The following CBLB variants were observed in gnomAD, a reference collection of about 807,000 sequenced individuals.
CBLB encodes the protein E3 ubiquitin-protein ligase CBL-B.
CBLB carries 31 observed loss-of-function variants against 104.9 expected under a neutral mutation model. The observed-to-expected ratio is 0.30, with a 90% CI of 0.22 to 0.40. The LOEUF (loss-of-function observed/expected upper bound fraction) is 0.40. Ranked by LOEUF, CBLB falls within the 10% of genes least tolerant of loss-of-function variation. CBLB has a pLI of 1.00. For missense variants in CBLB, 1,062 were observed against 1,214.6 expected (o/e 0.87, Z 1.87); for synonymous variants, 440 against 422.6 (o/e 1.04, Z -0.51).
intron 10 of CBLB, 58 bp downstream of exon 10, chr3:105,719,988 CA>C (rs980904704): frequency 4.8e-6 from 6 of 1,239,850 alleles, no homozygotes; most frequent in Non-Finnish European, 5.9e-6. Context: ...TTTATGACGG[CA>C]TCATTTCCTT....
rs943458810 is a variant in CBLB at position 105,658,918 on chromosome 3, A to G, written c.*52T>C. ...CCATCTCAGTTCTCTTTATTTCCAC[A>G]CTCTTGGAATACATCGATTGCTTTC... On this transcript the variant is annotated 3_prime_UTR_variant, in exon 19 of 19. Coordinates refer to ENST00000394030, the MANE Select transcript of CBLB (RefSeq NM_170662.5). 1 of 1,582,080 alleles carries G rather than the reference A, an allele frequency of 6.3e-7. No individual in the cohort carries two copies. Among genetic ancestry groups the G allele is most frequent in the African/African-American group, 1.4e-5 (1 of 73,930 alleles).
chr3:105,702,274 C>T lies in CBLB; in HGVS notation c.1779G>A (p.Trp593Ter). The change falls in exon 12 of 19, where the codon TGG becomes TGA. Residue 593 changes from tryptophan (W) to a stop codon, truncating the protein, a stop_gained. Transcript: ENST00000394030. LOFTEE classifies it high-confidence loss of function. Reference protein sequence around the residue: ...SRDPPMPLEAWCPRDVFGTNQ... With the variant: ...SRDPPMPLEA ...TAGTCCCAAACACATCCCGAGGGCACCATGCTTCAAGAGGCATTGGCGGGT... is the reference window on the plus strand; with the variant it reads ...TAGTCCCAAACACATCCCGAGGGCATCATGCTTCAAGAGGCATTGGCGGGT... The T allele has an allele frequency of 6.2e-7, 1 of 1,613,936 alleles. No individual in the cohort carries two copies. Among genetic ancestry groups the T allele is most frequent in the Non-Finnish European group, 8.5e-7 (1 of 1,179,966 alleles).
intron 10 of CBLB, among the ~76,000 whole-genome samples, chr3:105,713,132 TAAC>T (rs1006766075): frequency 2.0e-5 from 3 of 152,130 alleles, no homozygotes; most frequent in Non-Finnish European, 4.4e-5. Flanking sequence ...ATAATATTAA[TAAC>T]AACCAATACT....
chr3:105,705,318 G>T (rs1171543968), intron 10 of CBLB, among the ~76,000 whole-genome samples: 1 of 152,068 alleles, frequency 6.6e-6, no homozygotes, highest in East Asian at 1.9e-4. Context: ...ATTGTATAAG[G>T]CTTTTGTTAA....
intron 2 of CBLB, among the ~76,000 whole-genome samples, chr3:105,863,300 G>A (rs535490950): frequency 7.2e-5 from 11 of 152,220 alleles, no homozygotes; most frequent in South Asian, 2.1e-4. Flanking sequence ...ATTCAAAACT[G>A]AACTGAGTAC....
chr3:105,702,219 C>G lies in CBLB; in HGVS notation c.1834G>C (p.Glu612Gln). 6.2e-7 allele frequency: 1 copy of G among 1,614,100 alleles called. No individual in the cohort carries two copies. Among genetic ancestry groups the G allele is most frequent in the Non-Finnish European group, 8.5e-7 (1 of 1,180,006 alleles). Residue 612 changes from glutamate (E) to glutamine (Q), a missense_variant, in exon 12 of 19, where the codon GAG (glutamate) becomes CAG (glutamine). Coordinates refer to ENST00000394030, the MANE Select transcript of CBLB (RefSeq NM_170662.5). ...GTGATTCCAGGTTTTGGAGAGCCCT[C>G]CCCTAGGAGTCGACATCCCACAAGC... ...NQLVGCRLLG[E>Q]GSPKPGITAS...
chr3:105,709,499 T>G (rs1021384691), intron 10 of CBLB, among the ~76,000 whole-genome samples: 1 of 151,870 alleles, frequency 6.6e-6, no homozygotes, highest in Non-Finnish European at 1.5e-5. Context: ...CACCTACATA[T>G]AGCCATTGGT....
chr3:105,748,926 A>G (rs2076355920), intron 5 of CBLB, among the ~76,000 whole-genome samples: 1 of 152,120 alleles, frequency 6.6e-6, no homozygotes, highest in Non-Finnish European at 1.5e-5. Context: ...CCCACTCCCA[A>G]TAATTTAGTC....
intron 4 of CBLB, among the ~76,000 whole-genome samples, chr3:105,766,235 T>C (rs932077187): frequency 2.4e-4 from 37 of 152,122 alleles, no homozygotes; most frequent in Admixed American, 2.4e-3. Flanking sequence ...CTGCTTCTTA[T>C]AGAAAAGCAA....
chr3:105,659,371 T>C (rs2063562873), intron 18 of CBLB, 142 bp from the exon 19 acceptor site: 1 of 896,498 alleles, frequency 1.1e-6, no homozygotes, highest in African/African-American at 1.7e-5. Flanking sequence ...AATTTTTCCA[T>C]ACTATTGTGA....
chr3:105,790,077 G>T (rs1301244027), intron 3 of CBLB, among the ~76,000 whole-genome samples: 1 of 152,048 alleles, frequency 6.6e-6, no homozygotes, highest in East Asian at 1.9e-4. Context: ...TAATCTATAT[G>T]GTAAGCACCA....
chr3:105,708,543 AT>A (rs199641240), intron 10 of CBLB, among the ~76,000 whole-genome samples: 6 of 151,172 alleles, frequency 4.0e-5, no homozygotes, highest in South Asian at 2.1e-4. Flanking sequence ...ATAAAGAACA[AT>A]TTTTTTTTGC....
At chr3:105,801,837 A>G (rs938097061) in intron 3 of CBLB, among the ~76,000 whole-genome samples, 3 of 152,258 alleles carry the variant, frequency 2.0e-5, no homozygotes, top group Non-Finnish European at 4.4e-5. Context: ...ATACTTTAGA[A>G]ATGGTGACAA....
intron 4 of CBLB, among the ~76,000 whole-genome samples, chr3:105,764,767 G>A (rs899573240): frequency 6.6e-6 from 1 of 152,226 alleles, no homozygotes; most frequent in Non-Finnish European, 1.5e-5. Context: ...GTTGTGAATG[G>A]AAAGGAGAAG....
At chr3:105,670,418 T>A (rs2064948653) in intron 17 of CBLB, 66 bp from the exon 18 acceptor site, 1 of 1,299,290 alleles carries the variant, frequency 7.7e-7, no homozygotes, top group South Asian at 1.2e-5. Context: ...AGAAAAAAAT[T>A]CTAGAATTAT....
At chr3:105,812,839 A>C (rs1177123671) in intron 3 of CBLB, among the ~76,000 whole-genome samples, 1 of 152,182 alleles carries the variant, frequency 6.6e-6, no homozygotes, top group Non-Finnish European at 1.5e-5. Flanking sequence ...GTTTGAAATA[A>C]AATCAATATC....
intron 3 of CBLB, among the ~76,000 whole-genome samples, chr3:105,836,872 A>C (rs555852847): frequency 6.6e-6 from 1 of 152,092 alleles, no homozygotes; most frequent in Non-Finnish European, 1.5e-5. Context: ...ATGTAAGAAA[A>C]CAGCAATTCC....
intron 18 of CBLB, among the ~76,000 whole-genome samples, chr3:105,665,403 A>T (rs2064275496): frequency 1.9e-5 from 1 of 52,908 alleles, no homozygotes; most frequent in South Asian, 8.6e-4. Flanking sequence ...ATAAATAAAT[A>T]AATAAATAAA....
rs1316764309 is a variant in CBLB at position 105,656,692 on chromosome 3, T to A, written c.*2278A>T. The stretch of plus-strand genomic sequence containing the variant: ...CTTTTTTAATTCTCACTGGAAATTT[T>A]CAAATATTGTTTATAAACTGAATGA... On this transcript the variant is annotated 3_prime_UTR_variant, in exon 19 of 19. Transcript: ENST00000394030. 5.7e-6 allele frequency: 1 copy of A among 176,530 alleles called. No homozygotes were observed. Among genetic ancestry groups the A allele is most frequent in the African/African-American group, 2.5e-5 (1 of 40,044 alleles). The allele number at this position is 176,530 out of a possible 1,614,324, so 10.9% of individuals were successfully genotyped here.
Sources: gnomAD v4.1 joint callset for allele counts (sites outside exome capture counted in the v4.1 genomes callset) on GRCh38, gnomAD v4.1.1 for gene constraint, MANE v1.5 for transcripts, NCBI Gene and HGNC (gene_info 2026-07-23, HGNC 2026-07-21) for gene names.